LYRM4: variants seen among roughly 807,000 people sequenced by gnomAD.
The protein encoded by LYRM4 is LYR motif containing 4.
Under a neutral mutation model 11.7 loss-of-function variants are expected in LYRM4, and 9 were observed. That is an observed-to-expected ratio of 0.77 (90% CI 0.46 to 1.34). The LOEUF (loss-of-function observed/expected upper bound fraction) is 1.34. Among genes scored for constraint, LYRM4 ranks in the 40% most tolerant of loss-of-function variants. The pLI, the probability that LYRM4 is intolerant of heterozygous loss-of-function variation, is 0.00. For synonymous variants in LYRM4, 42 were observed against 40.4 expected, an observed-to-expected ratio of 1.04 and a Z score of -0.15; for missense variants, 133 against 112.5, an observed-to-expected ratio of 1.18 and a Z score of -0.82.
intron 1 of LYRM4, among the ~76,000 whole-genome samples, chr6:5,217,989 T>C (rs1003205392): frequency 3.3e-5 from 5 of 152,070 alleles, no homozygotes; most frequent in East Asian, 3.9e-4. Context: ...CTCACTGCAA[T>C]TGCAAACTCC....
intron 2 of LYRM4, chr6:5,136,368 T>A: frequency 1.0e-6 from 1 of 985,288 alleles, no homozygotes; most frequent in Non-Finnish European, 1.2e-6. Flanking sequence ...TGGGGCTGGG[T>A]TGAGGGTGGA....
At position 5,260,742 on chromosome 6, in the gene LYRM4, G is replaced by GAAA. The variant is rs561083109; in HGVS notation, c.-12_-10dup. ...CGACTGGAGGCTGCCATTTTGGAAA[G>GAAA]AAAAAAAAATAAACGGGTCCTCTTC... On this transcript the variant is annotated 5_prime_UTR_variant, in exon 1 of 3. Coordinates refer to ENST00000330636, the MANE Select transcript of LYRM4 (RefSeq NM_020408.6). 2.0e-5 allele frequency: 31 copies of GAAA among 1,519,660 alleles called. No homozygotes were observed. In the African/African-American group the frequency reaches 2.6e-4, roughly 13 times the overall value. The allele number at this position is 1,519,660 out of a possible 1,614,324, so 94.1% of individuals were successfully genotyped here.
chr6:5,174,234 AC>A (rs1360858319), intron 2 of LYRM4, among the ~76,000 whole-genome samples: 2 of 152,164 alleles, frequency 1.3e-5, no homozygotes, highest in Non-Finnish European at 2.9e-5. Context: ...AGAGCTTACA[AC>A]GCATTTTGCA....
intron 2 of LYRM4, among the ~76,000 whole-genome samples, chr6:5,118,742 A>C (rs749721163): frequency 2.6e-5 from 4 of 152,154 alleles, no homozygotes; most frequent in Non-Finnish European, 5.9e-5. Flanking sequence ...GGGACACATG[A>C]ATTTATGTCT....
At chr6:5,063,266 A>G in the LYRM4 span, among the ~76,000 whole-genome samples, 1 of 151,824 alleles carries the variant, frequency 6.6e-6, no homozygotes. Flanking sequence ...GGTCCTCATG[A>G]AGCATTCTGT....
At chr6:5,183,708 G>A (rs755376939) in intron 2 of LYRM4, among the ~76,000 whole-genome samples, 1 of 152,074 alleles carries the variant, frequency 6.6e-6, no homozygotes, top group Non-Finnish European at 1.5e-5. Context: ...CTCATCTTTC[G>A]GCTGTGCAAT....
chr6:5,055,902 G>T, the LYRM4 span, among the ~76,000 whole-genome samples: 1 of 152,142 alleles, frequency 6.6e-6, no homozygotes, highest in South Asian at 2.1e-4. This position sits in a 1 kb window ranked among gnomAD's most constrained non-coding sequence, Gnocchi z 4.5. Flanking sequence ...CAGGCCAGTG[G>T]TTATTCAAGT....
intron 2 of LYRM4, among the ~76,000 whole-genome samples, chr6:5,139,201 C>A (rs1032567403): frequency 6.6e-6 from 1 of 152,182 alleles, no homozygotes; most frequent in African/African-American, 2.4e-5. Flanking sequence ...AGCGGCAGGG[C>A]AAAGCAGGCC....
intron 2 of LYRM4, among the ~76,000 whole-genome samples, chr6:5,194,252 T>C (rs985051668): frequency 6.6e-6 from 1 of 152,198 alleles, no homozygotes; most frequent in Non-Finnish European, 1.5e-5. Context: ...TTTGGCCAAC[T>C]GTAGTTTCCT....
intron 2 of LYRM4, among the ~76,000 whole-genome samples, chr6:5,143,505 G>A (rs1309580438): frequency 6.6e-6 from 1 of 152,182 alleles, no homozygotes; most frequent in East Asian, 1.9e-4. Context: ...ACCGAGTATT[G>A]TGTCCTTGGC....
At chr6:5,076,765 C>T in the LYRM4 span, among the ~76,000 whole-genome samples, 1 of 152,106 alleles carries the variant, frequency 6.6e-6, no homozygotes, top group Non-Finnish European at 1.5e-5. Context: ...TGTAGCAGCC[C>T]ACCCCATCAA....
chr6:5,086,666 T>G, the LYRM4 span: 10 of 1,015,996 alleles, frequency 9.8e-6, no homozygotes, highest in African/African-American at 9.8e-5. Context: ...GCGTGGCGAG[T>G]CTGGCGTGAG....
chr6:5,053,403 G>A, the LYRM4 span, among the ~76,000 whole-genome samples: 1 of 152,092 alleles, frequency 6.6e-6, no homozygotes, highest in Non-Finnish European at 1.5e-5. Flanking sequence ...GGGCTGGGGA[G>A]CAAGGAGAGA....
At chr6:5,103,561 T>C (rs1474955419), downstream of LYRM4, 1 of 152,168 alleles carries the variant, frequency 6.6e-6, no homozygotes, top group Non-Finnish European at 1.5e-5. Flanking sequence ...TTTCTCCTTC[T>C]GCTTTTTGAT....
chr6:5,165,958 A>AT (rs1759065335), intron 2 of LYRM4, among the ~76,000 whole-genome samples: 1 of 152,246 alleles, frequency 6.6e-6, no homozygotes, highest in Non-Finnish European at 1.5e-5. Flanking sequence ...TATGGAAGAA[A>AT]TTTAGATTAT....
intron 2 of LYRM4, among the ~76,000 whole-genome samples, chr6:5,137,189 A>G (rs967980475): frequency 2.6e-5 from 4 of 152,208 alleles, no homozygotes; most frequent in African/African-American, 9.7e-5. Context: ...TTTTACCACC[A>G]ATAATATTTT....
At chr6:5,209,831 A>G (rs1761901407) in intron 2 of LYRM4, among the ~76,000 whole-genome samples, 1 of 152,228 alleles carries the variant, frequency 6.6e-6, no homozygotes, top group Non-Finnish European at 1.5e-5. Context: ...AATCAAACCA[A>G]GACACTAGTA....
chr6:5,201,951 C>CAGA (rs1372068011), intron 2 of LYRM4, among the ~76,000 whole-genome samples: 3 of 152,218 alleles, frequency 2.0e-5, no homozygotes, highest in Admixed American at 2.0e-4. Flanking sequence ...CTTAACTTCT[C>CAGA]TGAGCCTCAG....
At chr6:5,109,532 T>C (rs915026044) in intron 2 of LYRM4, 41 bp from the exon 3 acceptor site, 2 of 1,584,120 alleles carry the variant, frequency 1.3e-6, no homozygotes, top group Non-Finnish European at 8.7e-7. Flanking sequence ...ACCGTGGCCC[T>C]CTAGCCCCTG....
Sources: gnomAD v4.1 joint callset for allele counts (sites outside exome capture counted in the v4.1 genomes callset) on GRCh38, gnomAD v4.1.1 for gene constraint, Gnocchi (gnomAD v3.1) non-coding constraint, MANE v1.5 for transcripts, NCBI Gene and HGNC (gene_info 2026-07-23, HGNC 2026-07-21) for gene names.